The following TRIM2 variants were observed in gnomAD, a reference collection of about 807,000 sequenced individuals.
The protein encoded by TRIM2 is tripartite motif containing 2.
In TRIM2, 20 loss-of-function variants were observed where a neutral mutation model predicts 75.2. The ratio of observed to expected loss-of-function variants is 0.27; its 90% CI spans 0.19 to 0.39. TRIM2 has a LOEUF of 0.39. TRIM2 is among the 10% of genes least tolerant of loss of function. TRIM2 has a pLI of 1.00. For synonymous variants in TRIM2, 373 were observed against 388.3 expected (o/e 0.96, Z 0.46); for missense variants, 660 against 990.8 (o/e 0.67, Z 4.48).
chr4:153,164,910 AT>A (rs749175384), intron 1 of TRIM2, among the ~76,000 whole-genome samples: 3 of 151,048 alleles, frequency 2.0e-5, no homozygotes, highest in Admixed American at 6.6e-5. Flanking sequence ...CATAGGCTGG[AT>A]TTTTTTTTGT....
At chr4:153,303,332 G>T (rs1764321197) in intron 6 of TRIM2, among the ~76,000 whole-genome samples, 2 of 151,812 alleles carry the variant, frequency 1.3e-5, no homozygotes, top group African/African-American at 2.4e-5. Context: ...AATCAGCCAG[G>T]CATGGTGGCA....
At chr4:153,244,431 T>TCTTCTTCTTCTTCTTCTTCTTCTC (rs1560875850) in intron 1 of TRIM2, among the ~76,000 whole-genome samples, 3 of 118,758 alleles carry the variant, frequency 2.5e-5, no homozygotes, top group Admixed American at 9.9e-5. Flanking sequence ...TTCTTCTTCT[T>TCTTCTTCTTCTTCTTCTTCTTCTC]CTTCTTTTAA....
At chr4:153,167,064 T>C (rs935524096) in intron 1 of TRIM2, among the ~76,000 whole-genome samples, 5 of 152,200 alleles carry the variant, frequency 3.3e-5, no homozygotes, top group Non-Finnish European at 7.3e-5. Context: ...AGCCAGAATG[T>C]TTGAGTTTAA....
intron 1 of TRIM2, among the ~76,000 whole-genome samples, chr4:153,213,663 G>A (rs898266768): frequency 1.3e-5 from 2 of 152,174 alleles, no homozygotes; most frequent in Non-Finnish European, 2.9e-5. Context: ...AAGTAGCTGG[G>A]ATTACAGGTG....
intron 10 of TRIM2, among the ~76,000 whole-genome samples, chr4:153,326,880 T>C (rs1039708067): frequency 1.1e-4 from 17 of 147,916 alleles, no homozygotes; most frequent in African/African-American, 3.5e-4. Flanking sequence ...CCTCAGGAGG[T>C]TGAGGCAGGA....
chr4:153,338,328 G>C lies in TRIM2; in HGVS notation c.*3362G>C. On this transcript the variant is annotated 3_prime_UTR_variant, in exon 12 of 12. Transcript: ENST00000338700. Reference sequence around the variant, plus strand: ...TACTTCAAATGGGAAAAATCTTTTTGTAGACTCTATAGTACCCTCTCTATT... The same window carrying C: ...TACTTCAAATGGGAAAAATCTTTTTCTAGACTCTATAGTACCCTCTCTATT... 1 of 985,736 alleles carries C rather than the reference G, an allele frequency of 1.0e-6. No individual in the cohort carries two copies. Among genetic ancestry groups the C allele is most frequent in the Non-Finnish European group, 1.2e-6 (1 of 829,924 alleles). 61.1% of individuals were successfully genotyped at this position (985,736 alleles called of 1,614,324 possible).
intron 1 of TRIM2, among the ~76,000 whole-genome samples, chr4:153,234,690 T>C (rs918335308): frequency 3.9e-5 from 6 of 152,158 alleles, no homozygotes. Flanking sequence ...AAACAGAAAA[T>C]GCATAGGTAG....
At chr4:153,159,413 G>C (rs534458390) in intron 1 of TRIM2, among the ~76,000 whole-genome samples, 1 of 141,608 alleles carries the variant, frequency 7.1e-6, no homozygotes, top group Non-Finnish European at 1.5e-5. Context: ...TGATCCTCTC[G>C]TGTCAACCTC....
intron 6 of TRIM2, among the ~76,000 whole-genome samples, chr4:153,305,416 T>A (rs1764766112): frequency 6.6e-6 from 1 of 152,238 alleles, no homozygotes; most frequent in South Asian, 2.1e-4. Context: ...AGTCTAGAAC[T>A]AATAGTTAAC....
intron 1 of TRIM2, among the ~76,000 whole-genome samples, chr4:153,167,389 C>G (rs1730423569): frequency 6.6e-6 from 1 of 152,116 alleles, no homozygotes; most frequent in Non-Finnish European, 1.5e-5. Context: ...AAAAAAGTCT[C>G]TAAACAAATA....
intron 6 of TRIM2, among the ~76,000 whole-genome samples, chr4:153,303,990 C>T (rs1179878670): frequency 6.6e-6 from 1 of 152,114 alleles, no homozygotes; most frequent in Non-Finnish European, 1.5e-5. Flanking sequence ...TAGAAGGAGA[C>T]AGACATGTAA....
chr4:153,160,005 C>T (rs186224331), intron 1 of TRIM2, among the ~76,000 whole-genome samples: 101 of 152,298 alleles, frequency 6.6e-4, no homozygotes, highest in African/African-American at 2.0e-3. Context: ...AGAGTTACAA[C>T]TTTGCTATGC....
Position 153,295,181 on chromosome 4 carries a change from T to G in TRIM2, c.787-132T>G. On this transcript the variant is annotated intron_variant, in intron 5 of 11. Coordinates refer to ENST00000338700, the MANE Select transcript of TRIM2 (RefSeq NM_015271.5). The surrounding 1 kb of genome is among the most constrained non-coding windows in gnomAD (Gnocchi z 7.2). Reference sequence around the variant, plus strand: ...TGCGTTAGCACTGGGTTCCCTGGGTTGACAAACACCGCTTGCTCAGAGCCA... The same window carrying G: ...TGCGTTAGCACTGGGTTCCCTGGGTGGACAAACACCGCTTGCTCAGAGCCA... 7.8e-7 allele frequency: 1 copy of G among 1,285,954 alleles called. No homozygotes were observed. The highest frequency in any genetic ancestry group is 1.7e-5 in the South Asian group (1 of 59,820). The allele number at this position is 1,285,954 out of a possible 1,614,324, so 79.7% of individuals were successfully genotyped here.
At chr4:153,188,917 C>A (rs1732897738) in intron 1 of TRIM2, among the ~76,000 whole-genome samples, 1 of 152,154 alleles carries the variant, frequency 6.6e-6, no homozygotes. Context: ...CAAAGTCTTT[C>A]ATAACCTGGC....
intron 8 of TRIM2, among the ~76,000 whole-genome samples, chr4:153,317,694 G>A (rs995022933): frequency 7.9e-5 from 12 of 152,002 alleles, no homozygotes; most frequent in African/African-American, 2.9e-4. Flanking sequence ...TGGGCATGGT[G>A]GCTCATGCCT....
chr4:153,227,915 T>C (rs1296422749), intron 1 of TRIM2, among the ~76,000 whole-genome samples: 1 of 152,226 alleles, frequency 6.6e-6, no homozygotes, highest in Non-Finnish European at 1.5e-5. Context: ...TTGCAGATAT[T>C]GGGCAGCTGG....
At chr4:153,181,489 A>AG (rs1579360405) in intron 1 of TRIM2, among the ~76,000 whole-genome samples, 1 of 152,268 alleles carries the variant, frequency 6.6e-6, no homozygotes, top group East Asian at 1.9e-4. Flanking sequence ...TCCTTGCCCC[A>AG]GGGGACAGGC....
At chr4:153,246,836 T>C (rs529015242) in intron 1 of TRIM2, among the ~76,000 whole-genome samples, 1 of 152,314 alleles carries the variant, frequency 6.6e-6, no homozygotes, top group South Asian at 2.1e-4. Flanking sequence ...ACATTCCATC[T>C]GCTGCTGCTT....
At chr4:153,310,133 A>T (rs954853200) in intron 6 of TRIM2, 1 of 152,218 alleles carries the variant, frequency 6.6e-6, no homozygotes, top group African/African-American at 2.4e-5. Context: ...AAACAAAATG[A>T]TTTAATTATG....
Sources: gnomAD v4.1 joint callset for allele counts (sites outside exome capture counted in the v4.1 genomes callset) on GRCh38, gnomAD v4.1.1 for gene constraint, Gnocchi (gnomAD v3.1) non-coding constraint, MANE v1.5 for transcripts, NCBI Gene and HGNC (gene_info 2026-07-23, HGNC 2026-07-21) for gene names.